Variants in IL1R1 observed in about 807,000 individuals in gnomAD.
IL1R1 encodes interleukin-1 receptor type 1.
A neutral mutation model predicts 50.2 loss-of-function variants in IL1R1; 22 were observed. That is an observed-to-expected ratio of 0.44 (90% CI 0.31 to 0.63). The LOEUF is 0.63. Ranked by LOEUF, IL1R1 falls within the 20% of genes least tolerant of loss-of-function variation. The pLI is 0.07. For missense variants in IL1R1, 509 were observed against 676.2 expected (o/e 0.75, Z 2.74); for synonymous variants, 251 against 236.7 (o/e 1.06, Z -0.55).
chr2:102,175,615 A>G lies in IL1R1; in HGVS notation c.1273A>G (p.Ile425Val), dbSNP rs1430381011. 6.2e-7 allele frequency: 1 copy of G among 1,614,052 alleles called. No individual in the cohort carries two copies. The change falls in exon 11 of 12, where the codon ATT becomes GTT. Residue 425 changes from isoleucine to valine, a missense_variant. Transcript: ENST00000410023. ...LEKQCGYKLF[I>V]YGRDDYVGED... is the part of the protein sequence containing the mutation. The stretch of plus-strand genomic sequence containing the variant: ...AAAACAGTGTGGATATAAGCTGTTC[A>G]TTTATGGAAGGGATGACTACGTTGG...
chr2:102,166,157 C>A lies in IL1R1; in HGVS notation c.531C>A (p.Val177=). 6.2e-7 allele frequency: 1 copy of A among 1,613,700 alleles called. No homozygotes were observed. The highest frequency in any genetic ancestry group is 1.1e-5 in the South Asian group (1 of 91,036). Residue 177 remains valine (V), a synonymous_variant, in exon 6 of 12, where the codon GTC becomes GTA. Transcript: ENST00000410023. ...TTGACAATATACACTTTAGTGGAGT[C>A]AAAGATAGGCTCATCGTGATGAATG... ...LLLDNIHFSG[V]KDRLIVMNVA... is the part of the protein sequence containing the mutation.
intron 1 of IL1R1, among the ~76,000 whole-genome samples, chr2:102,125,568 T>C (rs1316590331): frequency 6.6e-6 from 1 of 152,128 alleles, no homozygotes; most frequent in Non-Finnish European, 1.5e-5. Context: ...AAGTGGGGTA[T>C]CTAAAAGGGA....
chr2:102,151,152 C>G (rs557411486), intron 1 of IL1R1, among the ~76,000 whole-genome samples: 2 of 152,222 alleles, frequency 1.3e-5, no homozygotes, highest in East Asian at 3.9e-4. Flanking sequence ...TTCTTAGTCT[C>G]TAGTCCTATT....
chr2:102,088,679 A>G (rs1202296346), intron 1 of IL1R1, among the ~76,000 whole-genome samples: 1 of 152,232 alleles, frequency 6.6e-6, no homozygotes. Context: ...TTTCTCCACT[A>G]TAAAAGTCCT....
chr2:102,140,038 C>T (rs928003665), upstream of IL1R1, among the ~76,000 whole-genome samples: 2 of 152,214 alleles, frequency 1.3e-5, no homozygotes, highest in African/African-American at 4.8e-5. Context: ...CCCTTCCCAC[C>T]TGCTGGTCAA....
chr2:102,087,930 A>T (rs150284504), intron 1 of IL1R1, among the ~76,000 whole-genome samples: 83 of 152,352 alleles, frequency 5.4e-4, no homozygotes, highest in African/African-American at 2.0e-3. Context: ...CAACCATAAG[A>T]AACAACTCCT....
chr2:102,108,999 TG>T (rs1183435058), intron 1 of IL1R1, among the ~76,000 whole-genome samples: 1 of 150,842 alleles, frequency 6.6e-6, no homozygotes, highest in Non-Finnish European at 1.5e-5. Flanking sequence ...AAAGCTAATA[TG>T]TAATACAGCA....
upstream of IL1R1, among the ~76,000 whole-genome samples, chr2:102,139,794 G>A (rs1215050873): frequency 1.3e-5 from 2 of 152,234 alleles, no homozygotes; most frequent in Non-Finnish European, 2.9e-5. Flanking sequence ...GGCCTCCTCA[G>A]AAGCCCAACA....
chr2:102,176,056 T>A, intron 11 of IL1R1: 2 of 453,172 alleles, frequency 4.4e-6, no homozygotes, highest in Non-Finnish European at 7.8e-6. Flanking sequence ...CAGTGGCTCA[T>A]GCCTTTTATC....
Position 102,164,633 on chromosome 2 carries a change from A to G in IL1R1, c.62-141A>G, listed in dbSNP as rs55689230. ...TGCTTCTCAGACTCCCCAGATAATGATCTTATCACAAGGCTGTAAAGCTTT... is the reference window on the plus strand; with the variant it reads ...TGCTTCTCAGACTCCCCAGATAATGGTCTTATCACAAGGCTGTAAAGCTTT... On this transcript the variant is annotated intron_variant, in intron 3 of 11. Coordinates refer to ENST00000410023, the MANE Select transcript of IL1R1 (RefSeq NM_000877.4). The G allele has an allele frequency of 1.7e-3, 1,096 of 627,734 alleles. 4 individuals are homozygous for G. Among genetic ancestry groups the G allele is most frequent in the Middle Eastern group, 9.6e-3 (22 of 2,302 alleles). 38.9% of individuals were successfully genotyped at this position (627,734 alleles called of 1,614,324 possible). A position where few individuals can be genotyped will look rare whatever the true frequency, so the allele number is the denominator to read the frequency against.
intron 3 of IL1R1, among the ~76,000 whole-genome samples, chr2:102,160,874 C>T (rs758588584): frequency 3.9e-4 from 59 of 152,224 alleles, no homozygotes; most frequent in Non-Finnish European, 7.5e-4. Flanking sequence ...TGGCACACCC[C>T]TTCTGTCCGA....
chr2:102,158,556 A>G (rs2104536369), intron 3 of IL1R1, among the ~76,000 whole-genome samples: 1 of 152,362 alleles, frequency 6.6e-6, no homozygotes, highest in East Asian at 1.9e-4. Flanking sequence ...CAGCATGTGC[A>G]AAGGCCCAGA....
At chr2:102,172,274 A>C (rs1169569767) in intron 8 of IL1R1, 10 of 985,324 alleles carry the variant, frequency 1.0e-5, no homozygotes, top group Non-Finnish European at 1.2e-5. Flanking sequence ...ACTGCTCTCG[A>C]AAGCCTCTAC....
rs1296573236 is a variant in IL1R1, at chr2:102,178,198, C to T, written c.*1439C>T. On this transcript the variant is annotated 3_prime_UTR_variant, in exon 12 of 12. Transcript: ENST00000410023. ...AATTCCACAGTCTCTGGGAGACTTT[C>T]CCTAAGAGGCGACTTCCTCTCCAGC... 1.3e-5 allele frequency: 2 copies of T among 152,382 alleles called. No homozygotes were observed. The highest frequency in any genetic ancestry group is 4.8e-5 in the African/African-American group (2 of 41,432). The allele number at this position is 152,382 out of a possible 1,614,324, so 9.4% of individuals were successfully genotyped here.
chr2:102,157,884 C>T (rs968442750), intron 3 of IL1R1, 99 bp downstream of exon 3: 3 of 795,678 alleles, frequency 3.8e-6, no homozygotes, highest in Admixed American at 4.3e-5. Context: ...TCATACTCGT[C>T]TCTGTTGAAT....
In IL1R1 at chr2:102,149,737, G is replaced by A. The variant is rs550497192; in HGVS notation, c.-83-4204G>A. 3.3e-3 allele frequency among the ~76,000 whole-genome samples: 495 copies of A among 152,218 alleles called. 5 individuals are homozygous for A. Among genetic ancestry groups the A allele is most frequent in the Middle Eastern group, 0.01 (3 of 294 alleles). The stretch of plus-strand genomic sequence containing the variant: ...AGGGGGATAGACACAGGTGGACTTC[G>A]ACACCTACCTGTGTGCATGCTCAGG... On this transcript the variant is annotated intron_variant, in intron 1 of 11. Transcript: ENST00000410023.
At chr2:102,121,821 C>G (rs1681423395) in intron 1 of IL1R1, among the ~76,000 whole-genome samples, 1 of 152,150 alleles carries the variant, frequency 6.6e-6, no homozygotes, top group African/African-American at 2.4e-5. Flanking sequence ...GTACATATTA[C>G]AGCTAACGAT....
chr2:102,117,173 C>T (rs927018184), intron 1 of IL1R1, among the ~76,000 whole-genome samples: 6 of 152,284 alleles, frequency 3.9e-5, no homozygotes, highest in South Asian at 2.1e-4. Context: ...ACTTATGGTA[C>T]GCCTGCAATC....
At chr2:102,090,561 G>A (rs55775338) in intron 1 of IL1R1, among the ~76,000 whole-genome samples, 7,546 of 152,172 alleles carry the variant, frequency 0.05, 264 homozygotes, top group Non-Finnish European at 0.076. Context: ...TGCAAAACCT[G>A]TGGTCTGCTG....
Sources: gnomAD v4.1 joint callset for allele counts (sites outside exome capture counted in the v4.1 genomes callset) on GRCh38, gnomAD v4.1.1 for gene constraint, MANE v1.5 for transcripts, NCBI Gene and HGNC (gene_info 2026-07-23, HGNC 2026-07-21) for gene names.